The following B3GALT1 variants were observed in gnomAD, a reference collection of about 807,000 sequenced individuals.
The protein encoded by B3GALT1 is UDP-Gal:betaGlcNAc beta 1,3-galactosyltransferase, polypeptide 1.
B3GALT1 carries 10 observed loss-of-function variants against 23.2 expected under a neutral mutation model. That is an observed-to-expected ratio of 0.43 (90% CI 0.27 to 0.73). B3GALT1 has a LOEUF of 0.73. B3GALT1 is among the 30% of genes least tolerant of loss of function. B3GALT1 has a pLI of 0.21. For synonymous variants in B3GALT1, 156 were observed against 141.5 expected (o/e 1.10, Z -0.73); for missense variants, 299 against 405.4 (o/e 0.74, Z 2.25).
chr2:167,361,929 C>T (rs1282748219), intron 1 of B3GALT1, among the ~76,000 whole-genome samples: 2 of 152,044 alleles, frequency 1.3e-5, no homozygotes, highest in African/African-American at 4.8e-5. Context: ...CAAAAATTAG[C>T]TGGGCATGGT....
rs571226338 is a variant in B3GALT1, at chr2:167,334,101, C to CTA, written c.-511+40777_-511+40778dup. ...ATTGAATACAATTTAGAACATGATC[C>CTA]TATATATATATTGGATAATAAATAC... On this transcript the variant is annotated intron_variant, in intron 1 of 4. Transcript: ENST00000392690. Among the ~76,000 whole-genome samples, 256 of 151,848 alleles carry CTA rather than the reference C, an allele frequency of 1.7e-3. 1 individual carries two copies. Among genetic ancestry groups the CTA allele is most frequent in the Non-Finnish European group, 1.0e-3 (71 of 67,916 alleles).
intron 3 of B3GALT1, among the ~76,000 whole-genome samples, chr2:167,664,425 G>T (rs1275686005): frequency 6.6e-6 from 1 of 151,852 alleles, no homozygotes; most frequent in Non-Finnish European, 1.5e-5. Flanking sequence ...TTTTGGCTTA[G>T]GATTGACTTG....
At chr2:167,355,959 C>T (rs1697394098) in intron 1 of B3GALT1, among the ~76,000 whole-genome samples, 1 of 152,116 alleles carries the variant, frequency 6.6e-6, no homozygotes, top group Non-Finnish European at 1.5e-5. Context: ...AGAAAGAGAT[C>T]AAACCCTAGT....
At chr2:167,796,030 C>T (rs1405175079) in intron 3 of B3GALT1, among the ~76,000 whole-genome samples, 2 of 152,208 alleles carry the variant, frequency 1.3e-5, no homozygotes, top group South Asian at 2.1e-4. Flanking sequence ...GTGTAAAATA[C>T]ACTTCAACTT....
chr2:167,867,908 G>A (rs1690265303), intron 4 of B3GALT1, among the ~76,000 whole-genome samples: 1 of 152,158 alleles, frequency 6.6e-6, no homozygotes, highest in Admixed American at 6.5e-5. Flanking sequence ...AACACCAGCT[G>A]AAGTCTCCAT....
chr2:167,849,608 C>T (rs1162519834), intron 4 of B3GALT1, among the ~76,000 whole-genome samples: 1 of 152,082 alleles, frequency 6.6e-6, no homozygotes, highest in Non-Finnish European at 1.5e-5. Context: ...TTAAACCTGG[C>T]CGGGCGCGGT....
chr2:167,399,070 T>G (rs1363405513), intron 1 of B3GALT1, among the ~76,000 whole-genome samples: 2 of 152,158 alleles, frequency 1.3e-5, no homozygotes, highest in East Asian at 1.9e-4. Flanking sequence ...CAGAAACATT[T>G]TTACAGCCAT....
At chr2:167,525,080 A>T (rs1369458666) in intron 2 of B3GALT1, among the ~76,000 whole-genome samples, 1 of 152,178 alleles carries the variant, frequency 6.6e-6, no homozygotes. Context: ...GAAATCTTTG[A>T]TAAAATGGTA....
At chr2:167,827,715 A>G (rs181434700) in intron 4 of B3GALT1, among the ~76,000 whole-genome samples, 2 of 152,292 alleles carry the variant, frequency 1.3e-5, no homozygotes, top group Non-Finnish European at 2.9e-5. Flanking sequence ...TGCTTCAGCC[A>G]CTGAGCAAAC....
rs193287664 is a variant in B3GALT1 at position 167,449,620 on chromosome 2, C to T, written c.-510-40557C>T. Reference sequence around the variant, plus strand: ...CTCTGATTGCTCTGGCTAGGATTTCCAGTACTATGTTGAATAGAAGTGGTG... The same window carrying T: ...CTCTGATTGCTCTGGCTAGGATTTCTAGTACTATGTTGAATAGAAGTGGTG... On this transcript the variant is annotated intron_variant, in intron 1 of 4. Transcript: ENST00000392690. 1.7e-4 allele frequency among the ~76,000 whole-genome samples: 26 copies of T among 152,200 alleles called. No individual in the cohort carries two copies. The East Asian group carries it at 3.9e-3, about 23-fold the overall frequency.
intron 2 of B3GALT1, among the ~76,000 whole-genome samples, chr2:167,586,888 C>G (rs1186141872): frequency 6.6e-6 from 1 of 152,020 alleles, no homozygotes; most frequent in Non-Finnish European, 1.5e-5. Flanking sequence ...CAAGTTATAT[C>G]CCAAATGGAT....
chr2:167,586,484 A>T (rs1222321080), intron 2 of B3GALT1, among the ~76,000 whole-genome samples: 2 of 152,058 alleles, frequency 1.3e-5, no homozygotes, highest in African/African-American at 2.4e-5. Flanking sequence ...TATTTTTAGT[A>T]GAGACAGGGT....
chr2:167,816,641 TTTA>T (rs1688996633), intron 3 of B3GALT1, among the ~76,000 whole-genome samples: 1 of 152,150 alleles, frequency 6.6e-6, no homozygotes, highest in South Asian at 2.1e-4. Context: ...TTCAATAATG[TTTA>T]TGTTTTTTTC....
chr2:167,772,580 T>C (rs1052610061), intron 3 of B3GALT1, among the ~76,000 whole-genome samples: 4 of 152,364 alleles, frequency 2.6e-5, no homozygotes, highest in Admixed American at 2.6e-4. Context: ...CTCTAAAACA[T>C]GCAGCCTTCA....
chr2:167,570,917 T>A (rs1450859313), intron 2 of B3GALT1, among the ~76,000 whole-genome samples: 2 of 152,010 alleles, frequency 1.3e-5, no homozygotes. Flanking sequence ...TTCAATTTTT[T>A]AATCTTGGTT....
At chr2:167,523,653 A>G (rs929335585) in intron 2 of B3GALT1, among the ~76,000 whole-genome samples, 2 of 152,002 alleles carry the variant, frequency 1.3e-5, no homozygotes, top group Non-Finnish European at 2.9e-5. Flanking sequence ...TCGAACACCT[A>G]ACCTCAGGTG....
chr2:167,688,541 A>G (rs1686654672), intron 3 of B3GALT1, among the ~76,000 whole-genome samples: 1 of 152,166 alleles, frequency 6.6e-6, no homozygotes, highest in Non-Finnish European at 1.5e-5. Flanking sequence ...GTGGCTTAAC[A>G]ATAGAATGGA....
At chr2:167,428,707 A>G (rs939900541) in intron 1 of B3GALT1, among the ~76,000 whole-genome samples, 3 of 152,004 alleles carry the variant, frequency 2.0e-5, no homozygotes, top group African/African-American at 7.2e-5. Context: ...CCAGACAACA[A>G]TTCTTTTGTA....
chr2:167,513,761 A>G lies in B3GALT1; in HGVS notation c.-410+23484A>G, dbSNP rs1700062429. Among the ~76,000 whole-genome samples the G allele has an allele frequency of 2.6e-5, 4 of 152,132 alleles. No homozygotes were observed. In the South Asian group the frequency reaches 8.3e-4, roughly 32 times the overall value. On this transcript the variant is annotated intron_variant, in intron 2 of 4. Transcript: ENST00000392690. ...TGTATGTTGAAAACACCCATCATAA[A>G]AAGAGTTTACATATTTTTTAAAAGA...
Sources: allele counts gnomAD v4.1 joint callset (sites outside exome capture counted in the v4.1 genomes callset), GRCh38; gene constraint gnomAD v4.1.1; transcripts MANE v1.5; gene names NCBI Gene and HGNC (gene_info 2026-07-23, HGNC 2026-07-21).